Variants in KIF16B observed in about 807,000 individuals in gnomAD.
The protein encoded by KIF16B is kinesin family member 16B.
A neutral mutation model predicts 156.3 loss-of-function variants in KIF16B; 98 were observed. The observed-to-expected ratio is 0.63, with a 90% CI of 0.53 to 0.74. The LOEUF (loss-of-function observed/expected upper bound fraction) is 0.74, where lower values mean the gene tolerates loss of function less well. Ranked by LOEUF, KIF16B falls within the 30% of genes least tolerant of loss-of-function variation. The pLI is 0.00. For missense variants in KIF16B, 1,421 were observed against 1,606.5 expected, an observed-to-expected ratio of 0.88 and a Z score of 1.97; for synonymous variants, 564 against 583.7, an observed-to-expected ratio of 0.97 and a Z score of 0.49.
At chr20:16,473,155 A>G (rs982585317) in intron 12 of KIF16B, among the ~76,000 whole-genome samples, 4 of 152,218 alleles carry the variant, frequency 2.6e-5, no homozygotes, top group South Asian at 2.1e-4. Context: ...GCAAAAGAGC[A>G]TTTAGCTTAA....
chr20:16,289,592 G>A (rs890243745), intron 25 of KIF16B, among the ~76,000 whole-genome samples: 5 of 152,204 alleles, frequency 3.3e-5, no homozygotes, highest in African/African-American at 1.2e-4. Flanking sequence ...GGTGGCTCAC[G>A]CCTGTAATCC....
At position 16,505,814 on chromosome 20, in the gene KIF16B, T is replaced by G; in HGVS notation, c.908A>C (p.Lys303Thr). 1.2e-6 allele frequency: 2 copies of G among 1,614,050 alleles called. No homozygotes were observed. Among genetic ancestry groups the G allele is most frequent in the Non-Finnish European group, 1.7e-6 (2 of 1,179,932 alleles). The change falls in exon 9 of 26, where the codon AAG becomes ACG. Residue 303 changes from lysine (K) to threonine (T), a missense_variant. Coordinates refer to ENST00000354981, the MANE Select transcript of KIF16B (RefSeq NM_024704.5). ...SQDAANTLAK[K>T]KQVFVPYRDS... ...CCTGTAAGGCACGAAAACTTGCTTC[T>G]TCTTTGCAAGAGTATTTGCAGCATC... is the stretch of plus-strand genomic sequence containing the variant.
At chr20:16,492,107 G>A (rs1010391177) in intron 12 of KIF16B, among the ~76,000 whole-genome samples, 4 of 152,162 alleles carry the variant, frequency 2.6e-5, no homozygotes, top group Admixed American at 2.0e-4. Flanking sequence ...GGGAATATGA[G>A]CACACAGCTC....
At chr20:16,471,148 G>A (rs2067651982) in intron 12 of KIF16B, among the ~76,000 whole-genome samples, 2 of 152,034 alleles carry the variant, frequency 1.3e-5, no homozygotes, top group Non-Finnish European at 2.9e-5. Flanking sequence ...CCACTATGAT[G>A]CCCTCTGGAA....
chr20:16,381,722 C>T lies in KIF16B; in HGVS notation c.1810G>A (p.Glu604Lys). The T allele has an allele frequency of 6.2e-7, 1 of 1,612,042 alleles. No homozygotes were observed. Among genetic ancestry groups the T allele is most frequent in the Non-Finnish European group, 8.5e-7 (1 of 1,178,884 alleles). The change falls in exon 18 of 26, where the codon GAA becomes AAA. Residue 604 changes from glutamate to lysine, a missense_variant. Physicochemically the swap from Glu to Lys is moderately conservative, Grantham distance 56 (BLOSUM62 1). Transcript: ENST00000354981. ...TTACTTTCTAATTTTTCAAGTTCTT[C>T]ACGCTGTTGCCTCTCAAATTCAAGT... ...PGLEFERQQR[E>K]ELEKLESKRK...
intron 12 of KIF16B, among the ~76,000 whole-genome samples, chr20:16,432,495 T>C (rs1052098609): frequency 6.6e-5 from 10 of 152,162 alleles, no homozygotes; most frequent in African/African-American, 2.2e-4. Context: ...GTACTCTGTG[T>C]CATTTAAGTA....
intron 15 of KIF16B, among the ~76,000 whole-genome samples, chr20:16,421,013 C>T (rs2066212696): frequency 6.6e-6 from 1 of 152,058 alleles, no homozygotes; most frequent in African/African-American, 2.4e-5. Context: ...GAATGGTCTG[C>T]TGTAATTATT....
At chr20:16,331,000 T>TG (rs959933178) in intron 24 of KIF16B, among the ~76,000 whole-genome samples, 1 of 152,154 alleles carries the variant, frequency 6.6e-6, no homozygotes, top group African/African-American at 2.4e-5. Context: ...AGAGACTGCT[T>TG]GGGGGGCTTC....
At position 16,545,569 on chromosome 20, in the gene KIF16B, G is replaced by T. The variant is rs140140935; in HGVS notation, c.48-17129C>A. ...AATCTCAACTACTCAGGAGGCTGAG[G>T]CAGGAGAATTGCTTAAACCCGGGAG... is the stretch of plus-strand genomic sequence containing the variant. On this transcript the variant is annotated intron_variant, in intron 1 of 25. Transcript: ENST00000354981. 4.4e-4 allele frequency among the ~76,000 whole-genome samples: 67 copies of T among 152,262 alleles called. No individual in the cohort carries two copies. In the East Asian group the frequency reaches 0.011, roughly 25 times the overall value.
intron 12 of KIF16B, among the ~76,000 whole-genome samples, chr20:16,451,625 C>G (rs528702296): frequency 6.6e-6 from 1 of 151,926 alleles, no homozygotes; most frequent in South Asian, 2.1e-4. Context: ...ACCTTGTAGA[C>G]TTGGAAAACA....
intron 15 of KIF16B, among the ~76,000 whole-genome samples, chr20:16,426,046 T>C (rs2066342543): frequency 6.6e-6 from 1 of 152,084 alleles, no homozygotes; most frequent in African/African-American, 2.4e-5. Flanking sequence ...TCACTCACTA[T>C]CACGAGAACA....
At chr20:16,534,306 A>T (rs769467225) in intron 1 of KIF16B, among the ~76,000 whole-genome samples, 6 of 152,146 alleles carry the variant, frequency 3.9e-5, no homozygotes, top group African/African-American at 1.4e-4. Context: ...TATAACACAG[A>T]TACTGGCTAG....
At chr20:16,288,895 G>A (rs941664662) in intron 25 of KIF16B, among the ~76,000 whole-genome samples, 5 of 151,174 alleles carry the variant, frequency 3.3e-5, no homozygotes, top group South Asian at 2.1e-4. Flanking sequence ...ACGTACTGGC[G>A]ATGGGTTTAT....
intron 1 of KIF16B, among the ~76,000 whole-genome samples, chr20:16,567,426 C>T (rs534714112): frequency 2.1e-4 from 32 of 152,134 alleles, no homozygotes; most frequent in Non-Finnish European, 4.4e-4. Flanking sequence ...CCATCTCAAC[C>T]GTACACAGAT....
chr20:16,442,516 G>A (rs1023228969), intron 12 of KIF16B, among the ~76,000 whole-genome samples: 5 of 150,996 alleles, frequency 3.3e-5, no homozygotes, highest in African/African-American at 9.8e-5. Context: ...ATTCTATGAC[G>A]GAACTTGTAA....
chr20:16,286,849 G>A (rs565535191), intron 25 of KIF16B, among the ~76,000 whole-genome samples: 9 of 152,332 alleles, frequency 5.9e-5, no homozygotes, highest in East Asian at 1.9e-4. Flanking sequence ...GGCTCTCTTC[G>A]TTAAACCTAG....
At chr20:16,486,579 G>T (rs984175879) in intron 12 of KIF16B, among the ~76,000 whole-genome samples, 1 of 152,134 alleles carries the variant, frequency 6.6e-6, no homozygotes, top group Non-Finnish European at 1.5e-5. Context: ...ATCCACAGGA[G>T]CTGAACTATA....
chr20:16,528,641 A>G (rs1259520484), intron 1 of KIF16B, among the ~76,000 whole-genome samples: 1 of 152,224 alleles, frequency 6.6e-6, no homozygotes, highest in Non-Finnish European at 1.5e-5. Context: ...ACCATCAACA[A>G]TTATGGCTGA....
chr20:16,370,603 G>A lies in KIF16B; in HGVS notation c.3481C>T (p.Arg1161Cys), dbSNP rs1429290887. 13 of 1,579,386 alleles carry A rather than the reference G, an allele frequency of 8.2e-6. No homozygotes were observed. The highest frequency in any genetic ancestry group is 1.2e-5 in the South Asian group (1 of 84,042). The stretch of plus-strand genomic sequence containing the variant: ...TTACCTACCTCATATTTTAGTTTAC[G>A]TTGAATGGTGCCATTGTGAAGTTTC... ...NEKLHNGTIQRKLKYERMVSR... is the reference protein window; with the variant it reads ...NEKLHNGTIQCKLKYERMVSR... Residue 1161 changes from arginine to cysteine, a missense_variant, in exon 22 of 26, where the codon CGT (arginine) becomes TGT (cysteine). Arg to Cys is a radical substitution (Grantham distance 180, BLOSUM62 -3). Transcript: ENST00000354981.
Sources: allele counts gnomAD v4.1 joint callset (sites outside exome capture counted in the v4.1 genomes callset), GRCh38; gene constraint gnomAD v4.1.1; transcripts MANE v1.5; gene names NCBI Gene and HGNC (gene_info 2026-07-23, HGNC 2026-07-21).